Variants in VAV2 observed in about 807,000 individuals in gnomAD.
VAV2 encodes guanine nucleotide exchange factor VAV2.
Under a neutral mutation model 132.5 loss-of-function variants are expected in VAV2, and 67 were observed. The observed-to-expected ratio is 0.51, with a 90% CI of 0.42 to 0.62. The LOEUF (loss-of-function observed/expected upper bound fraction) is 0.62. Among genes scored for constraint, VAV2 ranks in the 20% least tolerant of loss-of-function variants. The probability of loss-of-function intolerance (pLI) is 0.00; values close to 1 mark genes in which losing one functional copy is unlikely to be tolerated. For synonymous variants in VAV2, 492 were observed against 443.5 expected, an observed-to-expected ratio of 1.11 and a Z score of -1.37; for missense variants, 938 against 1,153.6, an observed-to-expected ratio of 0.81 and a Z score of 2.71.
chr9:133,895,229 T>A (rs549899082), intron 2 of VAV2, among the ~76,000 whole-genome samples: 2 of 151,622 alleles, frequency 1.3e-5, no homozygotes, highest in African/African-American at 4.8e-5. Flanking sequence ...CTCTGAGGGC[T>A]CCAAAGGTGA....
In VAV2 at chr9:133,958,310, C is replaced by G. The variant is rs530740059; in HGVS notation, c.205-19091G>C. On this transcript the variant is annotated intron_variant, in intron 1 of 29. Transcript: ENST00000371850. ...GGCAATGGAATGTCTCGGTATAAAA[C>G]CGGATTGTACGTTCCATCTACTGAG... is the stretch of plus-strand genomic sequence containing the variant. Among the ~76,000 whole-genome samples, 772 of 143,988 alleles carry G rather than the reference C, an allele frequency of 5.4e-3. 8 individuals are homozygous for G. The highest frequency in any genetic ancestry group is 0.028 in the Middle Eastern group (8 of 290). The allele number at this position is 143,988 out of a possible 152,430, so 94.5% of individuals were successfully genotyped here. A position where few individuals can be genotyped will look rare whatever the true frequency, so the allele number is the denominator to read the frequency against.
At chr9:133,901,188 T>C (rs1414953895) in intron 2 of VAV2, among the ~76,000 whole-genome samples, 1 of 152,138 alleles carries the variant, frequency 6.6e-6, no homozygotes, top group Non-Finnish European at 1.5e-5. Context: ...ATGGCCCAGT[T>C]TTAGGAACAT....
chr9:133,794,295 G>A lies in VAV2; in HGVS notation c.1101+1373C>T, dbSNP rs773265686. 1.9e-4 allele frequency among the ~76,000 whole-genome samples: 29 copies of A among 152,064 alleles called. No individual in the cohort carries two copies. Among genetic ancestry groups the A allele is most frequent in the Non-Finnish European group, 3.4e-4 (23 of 67,994 alleles). ...GACACCGAGAAAGTTCTGTCAGCCCGTCATGGCAGGAGGCTTTCCTGGAGC... is the reference window on the plus strand; with the variant it reads ...GACACCGAGAAAGTTCTGTCAGCCCATCATGGCAGGAGGCTTTCCTGGAGC... On this transcript the variant is annotated intron_variant, in intron 12 of 29. Coordinates refer to ENST00000371850, the MANE Select transcript of VAV2 (RefSeq NM_001134398.2). This position sits in a 1 kb window ranked among gnomAD's most constrained non-coding sequence, Gnocchi z 4.6.
intron 2 of VAV2, among the ~76,000 whole-genome samples, chr9:133,887,360 G>A (rs1010318628): frequency 3.9e-5 from 6 of 152,148 alleles, no homozygotes; most frequent in Admixed American, 2.0e-4. Flanking sequence ...TCCAGGGAGC[G>A]CATGCCCCAG....
chr9:133,794,163 T>C lies in VAV2; in HGVS notation c.1101+1505A>G, dbSNP rs1834612031. Among the ~76,000 whole-genome samples the C allele has an allele frequency of 6.6e-6, 1 of 152,008 alleles. No individual in the cohort carries two copies. The highest frequency in any genetic ancestry group is 2.4e-5 in the African/African-American group (1 of 41,386). On this transcript the variant is annotated intron_variant, in intron 12 of 29. Coordinates refer to ENST00000371850, the MANE Select transcript of VAV2 (RefSeq NM_001134398.2). This position sits in a 1 kb window ranked among gnomAD's most constrained non-coding sequence, Gnocchi z 4.6. The stretch of plus-strand genomic sequence containing the variant: ...CACGGCCCACTGCACCTGCTGTCAC[T>C]GTCTCAGAGCCCCCGAGGACGCATC...
At chr9:133,964,030 T>TATAC (rs1554819003) in intron 1 of VAV2, among the ~76,000 whole-genome samples, 1 of 80,970 alleles carries the variant, frequency 1.2e-5, no homozygotes, top group Non-Finnish European at 2.6e-5. Flanking sequence ...TTCATATATA[T>TATAC]ATATATATAT....
chr9:133,779,361 C>T (rs1833925671), intron 21 of VAV2, among the ~76,000 whole-genome samples: 1 of 152,238 alleles, frequency 6.6e-6, no homozygotes, highest in South Asian at 2.1e-4. Context: ...TCTGACCCAG[C>T]CCTGCCTGTA....
rs1332835110 is a variant in VAV2 at position 133,912,504 on chromosome 9, T to C, written c.321+26599A>G. On this transcript the variant is annotated intron_variant, in intron 2 of 29. Coordinates refer to ENST00000371850, the MANE Select transcript of VAV2 (RefSeq NM_001134398.2). This position sits in a 1 kb window ranked among gnomAD's most constrained non-coding sequence, Gnocchi z 4.3. ...TATATCAACACCCATATGTCACTGG[T>C]GCTGGGTCCGAGCATGGGAGCTGCA... Among the ~76,000 whole-genome samples, 1 of 152,084 alleles carries C rather than the reference T, an allele frequency of 6.6e-6. No individual in the cohort carries two copies. Among genetic ancestry groups the C allele is most frequent in the Non-Finnish European group, 1.5e-5 (1 of 68,018 alleles).
At chr9:133,785,935 C>G (rs2131604669) in intron 16 of VAV2, 50 bp from the exon 17 acceptor site, 1 of 1,519,516 alleles carries the variant, frequency 6.6e-7, no homozygotes, top group African/African-American at 1.4e-5. Flanking sequence ...CTTCAGACAT[C>G]CTGGCACATG....
chr9:133,809,628 C>T lies in VAV2; in HGVS notation c.568-490G>A, dbSNP rs1179302818. On this transcript the variant is annotated intron_variant, in intron 6 of 29. Transcript: ENST00000371850. ...ACAGCCACCTGCAGGCTGGACTCTT[C>T]CCCTGAGTGTCCACTGGTTTCTAGC... is the stretch of plus-strand genomic sequence containing the variant. Among the ~76,000 whole-genome samples the T allele has an allele frequency of 5.3e-5, 8 of 152,358 alleles. No individual in the cohort carries two copies. The East Asian group carries it at 7.7e-4, about 15-fold the overall frequency.
chr9:133,796,435 G>C lies in VAV2; in HGVS notation c.1026C>G (p.Leu342=), dbSNP rs777760692. 4 of 1,613,098 alleles carry C rather than the reference G, an allele frequency of 2.5e-6. No homozygotes were observed. The South Asian group carries it at 4.4e-5, about 18-fold the overall frequency. ...CCGGGGCCCAGAGCCTCACCTTCAA[G>C]AGCAGGTGGTATTTGAGCACCCTCT... ...PMQRVLKYHL[L]LKELLSHSAE... Residue 342 remains leucine, a synonymous_variant, in exon 11 of 30, where the codon CTC becomes CTG. Coordinates refer to ENST00000371850, the MANE Select transcript of VAV2 (RefSeq NM_001134398.2).
intron 2 of VAV2, among the ~76,000 whole-genome samples, chr9:133,937,399 AATGT>A (rs923732949): frequency 1.4e-4 from 18 of 133,046 alleles, no homozygotes; most frequent in Non-Finnish European, 2.6e-4. Context: ...TGTCTGTGTC[AATGT>A]GTGTGTGTGA....
At chr9:133,882,449 G>A (rs986223082) in intron 2 of VAV2, among the ~76,000 whole-genome samples, 1 of 152,182 alleles carries the variant, frequency 6.6e-6, no homozygotes, top group Non-Finnish European at 1.5e-5. Context: ...TTGGAAATAG[G>A]ATCACAGCGG....
intron 2 of VAV2, among the ~76,000 whole-genome samples, chr9:133,930,193 C>T (rs1840628297): frequency 1.3e-5 from 2 of 152,232 alleles, no homozygotes; most frequent in Non-Finnish European, 1.5e-5. Flanking sequence ...CCCAGACAGC[C>T]CCACCGGCCT....
chr9:133,896,811 C>A (rs1321942950), intron 2 of VAV2, among the ~76,000 whole-genome samples: 2 of 152,086 alleles, frequency 1.3e-5, no homozygotes, highest in Non-Finnish European at 2.9e-5. Flanking sequence ...AAAAATCCAA[C>A]CAGGCGGGTA....
chr9:133,900,820 A>G (rs1420262651), intron 2 of VAV2, among the ~76,000 whole-genome samples: 3 of 145,128 alleles, frequency 2.1e-5, no homozygotes, highest in Non-Finnish European at 4.5e-5. Context: ...TATTTTTGAG[A>G]CAGGGTCTTG....
chr9:133,980,120 G>A (rs918626328), intron 1 of VAV2, among the ~76,000 whole-genome samples: 1 of 152,210 alleles, frequency 6.6e-6, no homozygotes, highest in Non-Finnish European at 1.5e-5. Flanking sequence ...CCAGAGGGCA[G>A]AGCTGGTCAG....
chr9:133,909,172 A>C (rs933260035), intron 2 of VAV2, among the ~76,000 whole-genome samples: 2 of 150,802 alleles, frequency 1.3e-5, no homozygotes, highest in Non-Finnish European at 3.0e-5. Context: ...TTATTGACTC[A>C]TTCCGAGAAC....
At chr9:133,765,750 GGAA>G in intron 29 of VAV2, among the ~76,000 whole-genome samples, 1 of 152,158 alleles carries the variant, frequency 6.6e-6, no homozygotes. Context: ...CTTGGTCTTA[GGAA>G]ATACTTAGGG....
Sources: gnomAD v4.1 joint callset for allele counts (sites outside exome capture counted in the v4.1 genomes callset) on GRCh38, gnomAD v4.1.1 for gene constraint, Gnocchi (gnomAD v3.1) non-coding constraint, MANE v1.5 for transcripts, NCBI Gene and HGNC (gene_info 2026-07-23, HGNC 2026-07-21) for gene names.